Variants in PPL observed in about 807,000 individuals in gnomAD.
PPL encodes the protein 190 kDa paraneoplastic pemphigus antigen.
A neutral mutation model predicts 194.4 loss-of-function variants in PPL; 198 were observed. The ratio of observed to expected loss-of-function variants is 1.02; its 90% confidence interval spans 0.91 to 1.15. The LOEUF (loss-of-function observed/expected upper bound fraction) is 1.15, where lower values mean the gene tolerates loss of function less well. Ranked by LOEUF, PPL falls within the 50% of genes most tolerant of loss-of-function variation. PPL has a pLI of 0.00. For synonymous variants in PPL, 1,220 were observed against 972.4 expected, an observed-to-expected ratio of 1.25 and a Z score of -4.74; for missense variants, 2,885 against 2,294.8, an observed-to-expected ratio of 1.26 and a Z score of -5.25.
At chr16:4,887,375 A>G in intron 20 of PPL, 148 bp from the exon 21 acceptor site, 1 of 650,522 alleles carries the variant, frequency 1.5e-6, no homozygotes, top group Non-Finnish European at 2.8e-6. Flanking sequence ...CTGGAGTTAG[A>G]CTGTAGCCTC....
intron 1 of PPL, among the ~76,000 whole-genome samples, chr16:4,913,790 G>A (rs556835504): frequency 6.6e-6 from 1 of 152,314 alleles, no homozygotes; most frequent in South Asian, 2.1e-4. Context: ...TAGCTCCCCT[G>A]TCTCCACTGA....
At chr16:4,933,603 G>C (rs2089252860) in intron 1 of PPL, among the ~76,000 whole-genome samples, 1 of 152,180 alleles carries the variant, frequency 6.6e-6, no homozygotes, top group African/African-American at 2.4e-5. Context: ...CACAAAGTAT[G>C]TGAGTGGCCA....
Position 4,883,309 on chromosome 16 carries a change from G to C in PPL, c.*75C>G. ...TGGCCTGCACCAGGGCAAGGGAGAG[G>C]ACGACACCAAGGAGGTCACTGCGTC... is the stretch of plus-strand genomic sequence containing the variant. On this transcript the variant is annotated 3_prime_UTR_variant, in exon 22 of 22. Transcript: ENST00000345988. The surrounding 1 kb of genome is among the most constrained non-coding windows in gnomAD (Gnocchi z 4.8). 6.3e-7 allele frequency: 1 copy of C among 1,589,986 alleles called. No individual in the cohort carries two copies. Among genetic ancestry groups the C allele is most frequent in the Non-Finnish European group, 8.5e-7 (1 of 1,170,190 alleles).
Position 4,890,243 on chromosome 16 carries a change from A to G in PPL, c.2254T>C (p.Tyr752His), listed in dbSNP as rs913167644. 8.7e-6 allele frequency: 14 copies of G among 1,614,022 alleles called. No homozygotes were observed. The highest frequency in any genetic ancestry group is 1.2e-5 in the Non-Finnish European group (14 of 1,180,020). ...AGGCTGTCTGTCTCCTGGGGCTCGT[A>G]ACTGGGGATGCTGACTAGGAACTGC... Reference protein sequence around the residue: ...VLQFLVSIPSYEPQETDSLSQ... With the variant: ...VLQFLVSIPSHEPQETDSLSQ... Residue 752 changes from tyrosine to histidine, a missense_variant, in exon 18 of 22, where the codon TAC becomes CAC. Tyr to His is a moderately conservative substitution (Grantham distance 83). Coordinates refer to ENST00000345988, the MANE Select transcript of PPL (RefSeq NM_002705.5).
intron 6 of PPL, among the ~76,000 whole-genome samples, chr16:4,900,274 C>T (rs1020410083): frequency 2.6e-5 from 4 of 152,012 alleles, no homozygotes; most frequent in Admixed American, 2.6e-4. Flanking sequence ...ACTTGGCACA[C>T]AGCAGATAAT....
At chr16:4,928,839 C>T (rs1045557263) in intron 1 of PPL, among the ~76,000 whole-genome samples, 2 of 151,952 alleles carry the variant, frequency 1.3e-5, no homozygotes, top group Admixed American at 6.5e-5. Flanking sequence ...GGTGAAACCC[C>T]GTCTCTACTA....
At chr16:4,918,665 C>A (rs1193388181) in intron 1 of PPL, among the ~76,000 whole-genome samples, 2 of 152,196 alleles carry the variant, frequency 1.3e-5, no homozygotes, top group African/African-American at 2.4e-5. Flanking sequence ...CCACTGCCAG[C>A]AAGCAAGGCA....
chr16:4,911,292 G>T (rs1176146464), intron 1 of PPL, among the ~76,000 whole-genome samples: 1 of 150,044 alleles, frequency 6.7e-6, no homozygotes, highest in Non-Finnish European at 1.5e-5. Flanking sequence ...CTCCCCAGTA[G>T]CTGAGATTAC....
In PPL at chr16:4,883,270, A is replaced by C; in HGVS notation, c.*114T>G. 1.4e-6 allele frequency: 2 copies of C among 1,405,362 alleles called. No individual in the cohort carries two copies. Among genetic ancestry groups the C allele is most frequent in the African/African-American group, 1.4e-5 (1 of 69,602 alleles). The allele number at this position is 1,405,362 out of a possible 1,614,324, so 87.1% of individuals were successfully genotyped here. A position where few individuals can be genotyped will look rare whatever the true frequency, so the allele number is the denominator to read the frequency against. On this transcript the variant is annotated 3_prime_UTR_variant, in exon 22 of 22. Coordinates refer to ENST00000345988, the MANE Select transcript of PPL (RefSeq NM_002705.5). This position sits in a 1 kb window ranked among gnomAD's most constrained non-coding sequence, Gnocchi z 4.8. The stretch of plus-strand genomic sequence containing the variant: ...CTCTGAGCAGCCTGGCAGCGAGGGT[A>C]TGTATAAAATGCTTGGCCTGCACCA...
At chr16:4,889,249 T>TTTTTG (rs2088276170) in intron 18 of PPL, among the ~76,000 whole-genome samples, 188 bp from the exon 19 acceptor site, 1 of 79,320 alleles carries the variant, frequency 1.3e-5, no homozygotes, top group African/African-American at 4.9e-5. Flanking sequence ...TTGTTTTTTT[T>TTTTTG]TTTTTTTTTT....
In PPL at chr16:4,936,988, G is replaced by C; in HGVS notation, c.58C>G (p.Arg20Gly). ...KGKYSPTVQT[R>G]SISNKELSEL... The stretch of plus-strand genomic sequence containing the variant: ...GAGCTGTGGGCGCCTCCTCACCTCC[G>C]GGTCTGCACAGTGGGGCTGTATTTG... Residue 20 changes from arginine to glycine, a missense_variant, in exon 1 of 22, where the codon CGG (arginine) becomes GGG (glycine). Transcript: ENST00000345988. 6.3e-7 allele frequency: 1 copy of C among 1,582,550 alleles called. No individual in the cohort carries two copies. The highest frequency in any genetic ancestry group is 8.6e-7 in the Non-Finnish European group (1 of 1,165,194).
rs114482007 is a variant in PPL at position 4,904,230 on chromosome 16, G to C, written c.163-190C>G. 4.3e-3 allele frequency among the ~76,000 whole-genome samples: 652 copies of C among 152,334 alleles called. 3 individuals carry two copies. Among genetic ancestry groups the C allele is most frequent in the African/African-American group, 0.015 (617 of 41,574 alleles). ...TTTGCTGCTACGTGGTATTTCTCAA[G>C]TTCACTTTGCAAAGCAGGTATTTCT... On this transcript the variant is annotated intron_variant, in intron 2 of 21. Transcript: ENST00000345988.
rs759397944 is a variant in PPL at position 4,897,670 on chromosome 16, A to C, written c.972+5T>G. The C allele has an allele frequency of 6.2e-7, 1 of 1,611,778 alleles. No individual in the cohort carries two copies. Among genetic ancestry groups the C allele is most frequent in the Non-Finnish European group, 8.5e-7 (1 of 1,178,438 alleles). On this transcript the variant is annotated splice_donor_5th_base_variant and intron_variant, in intron 9 of 21. Coordinates refer to ENST00000345988, the MANE Select transcript of PPL (RefSeq NM_002705.5). ...GCTGGGGGGACTCCCAGGAAAGGTA[A>C]GTACCTGGTGGTAGTCCTCCATGTA...
chr16:4,886,873 C>T (rs2088227862), intron 21 of PPL, among the ~76,000 whole-genome samples: 1 of 152,224 alleles, frequency 6.6e-6, no homozygotes, highest in Non-Finnish European at 1.5e-5. Flanking sequence ...CCTGCCTCGG[C>T]CTCCCAAAGT....
chr16:4,884,562 G>A lies in PPL; in HGVS notation c.4093C>T (p.Arg1365Trp), dbSNP rs757244985. ...TCGGCAAAGGCGCTCGCCTCGGCCC[G>A]CAGGCCTGGCTCCTCCTCATACCTG... ...VVRYEEEPGL[R>W]AEASAFAESI... is the part of the protein sequence containing the mutation. Residue 1365 changes from arginine (R) to tryptophan (W), a missense_variant, in exon 22 of 22, where the codon CGG becomes TGG. Transcript: ENST00000345988. This position sits in a 1 kb window ranked among gnomAD's most constrained non-coding sequence, Gnocchi z 5.7. 26 of 1,613,744 alleles carry A rather than the reference G, an allele frequency of 1.6e-5. No individual in the cohort carries two copies. Among genetic ancestry groups the A allele is most frequent in the Admixed American group, 3.3e-5 (2 of 59,924 alleles).
rs192298274 is a variant in PPL, at chr16:4,930,669, T to C, written c.62+6315A>G. Among the ~76,000 whole-genome samples the C allele has an allele frequency of 4.6e-5, 7 of 152,004 alleles. No homozygotes were observed. The East Asian group carries it at 1.4e-3, about 30-fold the overall frequency. ...CCAAGGAGAAGGGGAGTCCATAGAA[T>C]AGGTGGATCTACCCCAGCAGAGAGG... is the stretch of plus-strand genomic sequence containing the variant. On this transcript the variant is annotated intron_variant, in intron 1 of 21. Coordinates refer to ENST00000345988, the MANE Select transcript of PPL (RefSeq NM_002705.5).
intron 1 of PPL, among the ~76,000 whole-genome samples, chr16:4,918,945 C>T (rs2088981776): frequency 6.6e-6 from 1 of 152,120 alleles, no homozygotes; most frequent in Non-Finnish European, 1.5e-5. Flanking sequence ...ATCGGGGCAG[C>T]CAGACGTGGC....
At chr16:4,932,549 G>A (rs778799845) in intron 1 of PPL, among the ~76,000 whole-genome samples, 7 of 151,890 alleles carry the variant, frequency 4.6e-5, no homozygotes, top group Admixed American at 1.3e-4. Flanking sequence ...ATCTGGCTGG[G>A]ATTACAGGTT....
At chr16:4,930,326 C>A (rs775891543) in intron 1 of PPL, among the ~76,000 whole-genome samples, 2 of 152,168 alleles carry the variant, frequency 1.3e-5, no homozygotes, top group East Asian at 1.9e-4. Context: ...CTCTGCTCAC[C>A]GTCCTGCACG....
Sources: gnomAD v4.1 joint callset for allele counts (sites outside exome capture counted in the v4.1 genomes callset) on GRCh38, gnomAD v4.1.1 for gene constraint, Gnocchi (gnomAD v3.1) non-coding constraint, MANE v1.5 for transcripts, NCBI Gene and HGNC (gene_info 2026-07-23, HGNC 2026-07-21) for gene names.